The following STK24 variants were observed in gnomAD, a reference collection of about 807,000 sequenced individuals.
The protein encoded by STK24 is serine/threonine kinase 24, also known as serine/threonine-protein kinase 24.
Under a neutral mutation model 55.6 loss-of-function variants are expected in STK24, and 21 were observed. The observed-to-expected ratio is 0.38, with a 90% CI of 0.27 to 0.54. The LOEUF is 0.54. Among genes scored for constraint, STK24 ranks in the 20% least tolerant of loss-of-function variants. STK24 has a pLI of 0.79. For missense variants in STK24, 383 were observed against 538.4 expected (o/e 0.71, Z 2.86); for synonymous variants, 200 against 215.2 (o/e 0.93, Z 0.62).
chr13:98,446,870 C>G lies in STK24; in HGVS notation c.*6303G>C. On this transcript the variant is annotated 3_prime_UTR_variant, in exon 11 of 11. Coordinates refer to ENST00000539966, the MANE Select transcript of STK24 (RefSeq NM_001032296.4). ...CCCTGCAGAAGAGGACCCCCTCTTC[C>G]AAACATCAGGATTTCTCCCAAGTCA... The G allele has an allele frequency of 6.3e-7, 1 of 1,579,704 alleles. No homozygotes were observed. Among genetic ancestry groups the G allele is most frequent in the South Asian group, 1.1e-5 (1 of 89,376 alleles).
rs774881342 is a variant in STK24, at chr13:98,446,076, C to T, written c.*7097G>A. The T allele has an allele frequency of 1.2e-5, 18 of 1,560,136 alleles. No homozygotes were observed. Among genetic ancestry groups the T allele is most frequent in the Non-Finnish European group, 1.6e-5 (18 of 1,131,096 alleles). Reference sequence around the variant, plus strand: ...TGGGGCAGGTGCCCGCTGTGCTTCTCACAGGCCTCCTTGCCTTTCAGAATC... The same window carrying T: ...TGGGGCAGGTGCCCGCTGTGCTTCTTACAGGCCTCCTTGCCTTTCAGAATC... On this transcript the variant is annotated 3_prime_UTR_variant, in exon 11 of 11. Coordinates refer to ENST00000539966, the MANE Select transcript of STK24 (RefSeq NM_001032296.4).
chr13:98,469,542 C>CCT, intron 5 of STK24, among the ~76,000 whole-genome samples: 2 of 133,912 alleles, frequency 1.5e-5, no homozygotes, highest in Middle Eastern at 3.8e-3. Context: ...CATCCCCCCC[C>CCT]CCAAAAAAAA....
At chr13:98,530,281 C>T (rs1211930936) in intron 1 of STK24, among the ~76,000 whole-genome samples, 1 of 152,174 alleles carries the variant, frequency 6.6e-6, no homozygotes, top group Non-Finnish European at 1.5e-5. Context: ...TCTTGTAAAA[C>T]ACCTGGAATA....
chr13:98,489,399 T>C (rs1457351347), intron 2 of STK24, among the ~76,000 whole-genome samples: 1 of 152,204 alleles, frequency 6.6e-6, no homozygotes, highest in Non-Finnish European at 1.5e-5. Flanking sequence ...GAAAAGCTTA[T>C]GTGGTTGTTC....
intron 6 of STK24, 67 bp from the exon 7 acceptor site, chr13:98,463,903 T>C (rs1893821922): frequency 5.1e-6 from 8 of 1,557,154 alleles, no homozygotes; most frequent in Non-Finnish European, 7.0e-6. Flanking sequence ...AAGGACAGAC[T>C]TCTGCCTCAA....
At position 98,476,482 on chromosome 13, in the gene STK24, T is replaced by C. The variant is rs905672014; in HGVS notation, c.331-1124A>G. ...TTTTAGCCAACAGGAAGATACAATC[T>C]GGGGCCTTTCACTTAGTTTTAAAAA... On this transcript the variant is annotated intron_variant, in intron 3 of 10. Coordinates refer to ENST00000539966, the MANE Select transcript of STK24 (RefSeq NM_001032296.4). 3.5e-4 allele frequency among the ~76,000 whole-genome samples: 53 copies of C among 152,282 alleles called. 1 individual carries two copies. The highest frequency in any genetic ancestry group is 1.2e-3 in the African/African-American group (50 of 41,568).
intron 2 of STK24, among the ~76,000 whole-genome samples, chr13:98,490,791 A>G (rs1035392877): frequency 1.3e-5 from 2 of 151,594 alleles, no homozygotes; most frequent in African/African-American, 4.9e-5. Flanking sequence ...CAGCAGCTCA[A>G]CGTCTCCAAC....
intron 1 of STK24, among the ~76,000 whole-genome samples, chr13:98,565,046 T>C (rs962141988): frequency 2.0e-5 from 3 of 152,204 alleles, no homozygotes; most frequent in Admixed American, 1.3e-4. Flanking sequence ...TCTTTGGAAA[T>C]ACAAGCCATA....
At chr13:98,489,728 G>C (rs1386918690) in intron 2 of STK24, among the ~76,000 whole-genome samples, 3 of 152,210 alleles carry the variant, frequency 2.0e-5, no homozygotes, top group African/African-American at 7.2e-5. Context: ...GGCTCAGGTG[G>C]AGAAGAGGAG....
At chr13:98,521,923 G>T in intron 1 of STK24, 1 of 1,096,504 alleles carries the variant, frequency 9.1e-7, no homozygotes, top group Non-Finnish European at 1.4e-6. Flanking sequence ...ACCCCTCTCT[G>T]CTGGCTCTCT....
At chr13:98,457,712 C>T (rs896116814) in intron 9 of STK24, among the ~76,000 whole-genome samples, 23 of 152,092 alleles carry the variant, frequency 1.5e-4, no homozygotes, top group Middle Eastern at 3.2e-3. Context: ...TCAAGTGATC[C>T]GCCCGCCTCG....
Position 98,482,309 on chromosome 13 carries a change from A to C in STK24, c.286T>G (p.Trp96Gly). 6.4e-7 allele frequency: 1 copy of C among 1,567,758 alleles called. No individual in the cohort carries two copies. The highest frequency in any genetic ancestry group is 8.7e-7 in the Non-Finnish European group (1 of 1,148,042). ...CCACCAAGATATTCCATTATTATCC[A>C]TAATTTTGTATCCTATAAAACAAAA... ...YGSYLKDTKL[W>G]IIMEYLGGGS... The change falls in exon 3 of 11, where the codon TGG (tryptophan) becomes GGG (glycine). Residue 96 changes from tryptophan (W) to glycine (G), a missense_variant. Coordinates refer to ENST00000539966, the MANE Select transcript of STK24 (RefSeq NM_001032296.4).
intron 1 of STK24, among the ~76,000 whole-genome samples, chr13:98,555,919 T>C (rs554927350): frequency 3.3e-5 from 5 of 151,678 alleles, no homozygotes; most frequent in African/African-American, 1.2e-4. Flanking sequence ...CCTGACCTTG[T>C]GATCCACCCG....
intron 1 of STK24, among the ~76,000 whole-genome samples, chr13:98,571,941 A>G (rs1227350939): frequency 6.6e-6 from 1 of 152,190 alleles, no homozygotes; most frequent in East Asian, 1.9e-4. Context: ...AGAAAGCAGG[A>G]GCCCCAAAGA....
intron 1 of STK24, among the ~76,000 whole-genome samples, chr13:98,549,411 G>A (rs1040599936): frequency 6.6e-6 from 1 of 152,182 alleles, no homozygotes; most frequent in Non-Finnish European, 1.5e-5. Context: ...GCACTGATAT[G>A]GTTGGAGGTC....
chr13:98,494,133 CG>C (rs929581452), intron 2 of STK24, among the ~76,000 whole-genome samples: 3 of 143,472 alleles, frequency 2.1e-5, no homozygotes, highest in Non-Finnish European at 4.6e-5. Context: ...GTGCCTCGGC[CG>C]GGCACGGTGG....
At chr13:98,527,065 C>G (rs1455962095) in intron 1 of STK24, among the ~76,000 whole-genome samples, 1 of 152,192 alleles carries the variant, frequency 6.6e-6, no homozygotes, top group Non-Finnish European at 1.5e-5. Flanking sequence ...TTTTGTAATT[C>G]TCATCGGCAT....
chr13:98,446,795 G>T lies in STK24; in HGVS notation c.*6378C>A. On this transcript the variant is annotated 3_prime_UTR_variant, in exon 11 of 11. Coordinates refer to ENST00000539966, the MANE Select transcript of STK24 (RefSeq NM_001032296.4). Reference sequence around the variant, plus strand: ...GTCCCACGTCTACTACTTCAGGGCGGAAAGCGAGTACACGTTCGAAAGGTA... The same window carrying T: ...GTCCCACGTCTACTACTTCAGGGCGTAAAGCGAGTACACGTTCGAAAGGTA... The T allele has an allele frequency of 6.2e-7, 1 of 1,614,130 alleles. No homozygotes were observed. Among genetic ancestry groups the T allele is most frequent in the Non-Finnish European group, 8.5e-7 (1 of 1,180,032 alleles).
intron 1 of STK24, among the ~76,000 whole-genome samples, chr13:98,525,783 A>G (rs1896409829): frequency 6.6e-6 from 1 of 152,318 alleles, no homozygotes; most frequent in East Asian, 1.9e-4. Flanking sequence ...ATGATAAATA[A>G]TAGTATCTAT....
Sources: allele counts gnomAD v4.1 joint callset (sites outside exome capture counted in the v4.1 genomes callset), GRCh38; gene constraint gnomAD v4.1.1; transcripts MANE v1.5; gene names NCBI Gene and HGNC (gene_info 2026-07-23, HGNC 2026-07-21).